Variants in KCNK12 observed in about 807,000 individuals in gnomAD.
KCNK12 encodes the protein potassium two pore domain channel subfamily K member 12.
In KCNK12, 6 loss-of-function variants were observed where a neutral mutation model predicts 25.3. The observed-to-expected ratio is 0.24, with a 90% confidence interval of 0.13 to 0.47. The LOEUF is 0.47. Among genes scored for constraint, KCNK12 ranks in the 20% least tolerant of loss-of-function variants. KCNK12 has a pLI of 0.99. For missense variants in KCNK12, 444 were observed against 661.7 expected, an observed-to-expected ratio of 0.67 and a Z score of 3.61; for synonymous variants, 331 against 311.1, an observed-to-expected ratio of 1.06 and a Z score of -0.67.
intron 1 of KCNK12, among the ~76,000 whole-genome samples, chr2:47,527,085 C>T (rs1338659556): frequency 6.6e-6 from 1 of 152,236 alleles, no homozygotes. Context: ...GACTGAAACC[C>T]AGGTGTGCTA....
chr2:47,535,953 C>G (rs934768513), intron 1 of KCNK12, among the ~76,000 whole-genome samples: 2 of 152,140 alleles, frequency 1.3e-5, no homozygotes, highest in East Asian at 1.9e-4. Context: ...ATGGCACAAC[C>G]GGGATTGCAA....
chr2:47,567,894 C>G (rs1669815130), intron 1 of KCNK12, among the ~76,000 whole-genome samples: 2 of 152,162 alleles, frequency 1.3e-5, no homozygotes, highest in South Asian at 4.2e-4. Context: ...GAACAATTTC[C>G]CAACACACTG....
chr2:47,569,137 T>C lies in KCNK12; in HGVS notation c.391+804A>G, dbSNP rs1376923870. On this transcript the variant is annotated intron_variant, in intron 1 of 1. Coordinates refer to ENST00000327876, the MANE Select transcript of KCNK12 (RefSeq NM_022055.2). This position sits in a 1 kb window ranked among gnomAD's most constrained non-coding sequence, Gnocchi z 4.1. ...ATTGACACAGCATTCTTCATAAGGT[T>C]GAGAAAACGTGAACTGTTTATATCC... Among the ~76,000 whole-genome samples, 1 of 151,970 alleles carries C rather than the reference T, an allele frequency of 6.6e-6. No individual in the cohort carries two copies. Among genetic ancestry groups the C allele is most frequent in the Non-Finnish European group, 1.5e-5 (1 of 67,996 alleles).
chr2:47,521,878 G>GTGGTCATGCCGAAACC, intron 1 of KCNK12, 70 bp from the exon 2 acceptor site: 1 of 1,236,952 alleles, frequency 8.1e-7, no homozygotes, highest in Non-Finnish European at 1.1e-6. Context: ...AGGGTGGGGG[G>GTGGTCATGCCGAAACC]TGTGGGGGCG....
chr2:47,531,334 G>C (rs527625031), intron 1 of KCNK12, among the ~76,000 whole-genome samples: 1 of 152,206 alleles, frequency 6.6e-6, no homozygotes, highest in African/African-American at 2.4e-5. Flanking sequence ...TCAGCTGGGC[G>C]TGGTGGCGTG....
At position 47,534,600 on chromosome 2, in the gene KCNK12, G is replaced by C. The variant is rs1284310936; in HGVS notation, c.392-12792C>G. On this transcript the variant is annotated intron_variant, in intron 1 of 1. Transcript: ENST00000327876. The stretch of plus-strand genomic sequence containing the variant: ...GGGAGAAGACTAAATCCAAGACCAA[G>C]GGAGGCCTTTGATGGGACAAAGACG... Among the ~76,000 whole-genome samples, 21 of 135,286 alleles carry C rather than the reference G, an allele frequency of 1.6e-4. No individual in the cohort carries two copies. In the Admixed American group the frequency reaches 1.7e-3, roughly 11 times the overall value. The allele number at this position is 135,286 out of a possible 152,430, so 88.8% of individuals were successfully genotyped here.
intron 1 of KCNK12, among the ~76,000 whole-genome samples, chr2:47,531,845 G>A (rs1490773796): frequency 1.3e-5 from 2 of 152,142 alleles, no homozygotes; most frequent in African/African-American, 4.8e-5. Flanking sequence ...ATTGATTGTG[G>A]GCCAAGCTGT....
At chr2:47,558,676 G>A (rs1211016021) in intron 1 of KCNK12, among the ~76,000 whole-genome samples, 1 of 152,210 alleles carries the variant, frequency 6.6e-6, no homozygotes, top group Non-Finnish European at 1.5e-5. Flanking sequence ...GAGGATCATG[G>A]CCATTTGGAA....
intron 1 of KCNK12, among the ~76,000 whole-genome samples, chr2:47,546,980 A>G (rs1471122250): frequency 6.6e-5 from 10 of 152,160 alleles, no homozygotes; most frequent in Admixed American, 6.5e-4. Context: ...GGTGTGGGAA[A>G]GGCCATATAG....
In KCNK12 at chr2:47,540,659, C is replaced by T. The variant is rs776991737; in HGVS notation, c.392-18851G>A. On this transcript the variant is annotated intron_variant, in intron 1 of 1. Coordinates refer to ENST00000327876, the MANE Select transcript of KCNK12 (RefSeq NM_022055.2). This position sits in a 1 kb window ranked among gnomAD's most constrained non-coding sequence, Gnocchi z 5.4. ...AGATCTGTTAGGCTAGGCACGGTGGCTTATGCCTGTCATGCCAGCACTTTG... is the reference window on the plus strand; with the variant it reads ...AGATCTGTTAGGCTAGGCACGGTGGTTTATGCCTGTCATGCCAGCACTTTG... Among the ~76,000 whole-genome samples the T allele has an allele frequency of 1.3e-5, 2 of 152,212 alleles. No individual in the cohort carries two copies. The highest frequency in any genetic ancestry group is 2.9e-5 in the Non-Finnish European group (2 of 68,036).
chr2:47,524,533 C>A (rs149013023), intron 1 of KCNK12, among the ~76,000 whole-genome samples: 1 of 152,198 alleles, frequency 6.6e-6, no homozygotes, highest in African/African-American at 2.4e-5. Context: ...GGGATGCATG[C>A]ATGGTTGGTA....
Position 47,569,889 on chromosome 2 carries a change from CG to C in KCNK12, c.391+51del. The stretch of plus-strand genomic sequence containing the variant: ...CCGAGCGGCCGAGCAGTGGAAAGGG[CG>C]GCAGGTGAAAGGCACAGAGAGGAAA... On this transcript the variant is annotated intron_variant, in intron 1 of 1. Coordinates refer to ENST00000327876, the MANE Select transcript of KCNK12 (RefSeq NM_022055.2). This position sits in a 1 kb window ranked among gnomAD's most constrained non-coding sequence, Gnocchi z 4.1. 7.8e-7 allele frequency: 1 copy of C among 1,280,622 alleles called. No individual in the cohort carries two copies. 79.3% of individuals were successfully genotyped at this position (1,280,622 alleles called of 1,614,324 possible).
At chr2:47,545,953 G>A (rs1257913934) in intron 1 of KCNK12, among the ~76,000 whole-genome samples, 1 of 151,824 alleles carries the variant, frequency 6.6e-6, no homozygotes, top group Non-Finnish European at 1.5e-5. Context: ...TCAGGGCTGG[G>A]GCAGCCAGTA....
intron 1 of KCNK12, among the ~76,000 whole-genome samples, chr2:47,544,553 A>C (rs1669272615): frequency 6.6e-6 from 1 of 152,246 alleles, no homozygotes; most frequent in Non-Finnish European, 1.5e-5. Flanking sequence ...AAAAGCTATA[A>C]TTTCATGGGA....
chr2:47,510,803 A>G lies in KCNK12; in HGVS notation c.*10104T>C, dbSNP rs1245229356. On this transcript the variant is annotated 3_prime_UTR_variant, in exon 2 of 2. Transcript: ENST00000327876. ...AACTGGCTGCCCAGAATAAATGAAG[A>G]ATAGCTTATTCTTTGCCAGGTTGAA... The G allele has an allele frequency of 6.6e-6, 1 of 152,220 alleles. No homozygotes were observed. The highest frequency in any genetic ancestry group is 2.4e-5 in the African/African-American group (1 of 41,462). 9.4% of individuals were successfully genotyped at this position (152,220 alleles called of 1,614,324 possible). A position where few individuals can be genotyped will look rare whatever the true frequency, so the allele number is the denominator to read the frequency against.
rs1669632334 is a variant in KCNK12 at position 47,560,078 on chromosome 2, G to A, written c.391+9863C>T. Among the ~76,000 whole-genome samples the A allele has an allele frequency of 6.6e-6, 1 of 152,184 alleles. No individual in the cohort carries two copies. Among genetic ancestry groups the A allele is most frequent in the African/African-American group, 2.4e-5 (1 of 41,448 alleles). On this transcript the variant is annotated intron_variant, in intron 1 of 1. Coordinates refer to ENST00000327876, the MANE Select transcript of KCNK12 (RefSeq NM_022055.2). This position sits in a 1 kb window ranked among gnomAD's most constrained non-coding sequence, Gnocchi z 4.7. ...CCCTCAAGCCAACCACCCTTCAGGA[G>A]GCGAGTTCTGAGCTGGCTATGTCCC...
chr2:47,561,964 T>C, intron 1 of KCNK12: 1 of 397,680 alleles, frequency 2.5e-6, no homozygotes, highest in South Asian at 1.3e-4. Flanking sequence ...ATTCCCTTCT[T>C]TTAGTAAGGG....
At chr2:47,552,371 C>G (rs909126417) in intron 1 of KCNK12, among the ~76,000 whole-genome samples, 1 of 152,132 alleles carries the variant, frequency 6.6e-6, no homozygotes, top group African/African-American at 2.4e-5. Context: ...CTCCTCCAGC[C>G]TCAGCCTGCT....
chr2:47,521,886 G>A, intron 1 of KCNK12, 78 bp from the exon 2 acceptor site: 2 of 1,079,380 alleles, frequency 1.9e-6, no homozygotes, highest in Non-Finnish European at 2.5e-6. Context: ...GGGTGTGGGG[G>A]CGGGGGCATG....
Sources: gnomAD v4.1 joint callset for allele counts (sites outside exome capture counted in the v4.1 genomes callset) on GRCh38, gnomAD v4.1.1 for gene constraint, Gnocchi (gnomAD v3.1) non-coding constraint, MANE v1.5 for transcripts, NCBI Gene and HGNC (gene_info 2026-07-23, HGNC 2026-07-21) for gene names.